Variants in TMEM156 observed in about 807,000 individuals in gnomAD.
TMEM156 encodes transmembrane protein 156.
TMEM156 carries 28 observed loss-of-function variants against 30.5 expected under a neutral mutation model. That is an observed-to-expected ratio of 0.92 (90% CI 0.68 to 1.26). The LOEUF is 1.26. Ranked by LOEUF, TMEM156 falls within the 50% of genes most tolerant of loss-of-function variation. The pLI is 0.00. For missense variants in TMEM156, 351 were observed against 340.6 expected, an observed-to-expected ratio of 1.03 and a Z score of -0.24; for synonymous variants, 137 against 119.9, an observed-to-expected ratio of 1.14 and a Z score of -0.93.
At chr4:39,013,885 T>A (rs559203135) in intron 1 of TMEM156, among the ~76,000 whole-genome samples, 1 of 152,294 alleles carries the variant, frequency 6.6e-6, no homozygotes, top group Non-Finnish European at 1.5e-5. Context: ...TGTAGTGTAA[T>A]GTAAATATAT....
chr4:39,022,066 T>A (rs1224426898), intron 1 of TMEM156, among the ~76,000 whole-genome samples: 2 of 152,324 alleles, frequency 1.3e-5, no homozygotes, highest in Non-Finnish European at 2.9e-5. Flanking sequence ...TGAGGAATGG[T>A]GTAAAGATGT....
At chr4:38,999,005 G>A (rs1713136287) in intron 1 of TMEM156, 96 bp from the exon 2 acceptor site, 1 of 1,052,176 alleles carries the variant, frequency 9.5e-7, no homozygotes, top group Non-Finnish European at 1.4e-6. Context: ...TTTCTTAGGT[G>A]GATTCAGTAC....
intron 6 of TMEM156, 75 bp downstream of exon 6, chr4:38,970,957 T>C: frequency 1.1e-6 from 1 of 935,434 alleles, no homozygotes; most frequent in Non-Finnish European, 1.6e-6. Context: ...GAAATGGAGT[T>C]TGGGATCAAC....
intron 6 of TMEM156, among the ~76,000 whole-genome samples, chr4:38,969,754 G>C (rs1231844372): frequency 6.6e-6 from 1 of 151,990 alleles, no homozygotes; most frequent in Non-Finnish European, 1.5e-5. Context: ...CACCACGCCT[G>C]GCTAATTTTT....
chr4:39,029,572 G>T lies in TMEM156; in HGVS notation c.88+2654C>A, dbSNP rs546993461. On this transcript the variant is annotated intron_variant, in intron 1 of 6. Coordinates refer to ENST00000381938, the MANE Select transcript of TMEM156 (RefSeq NM_024943.3). ...TACTAAAAATACAAAAAATTAGCCG[G>T]GCGTGGTAGCGGGCGCCTGTAGTCC... Among the ~76,000 whole-genome samples the T allele has an allele frequency of 2.4e-4, 5 of 21,134 alleles. 2 individuals are homozygous for T. Among genetic ancestry groups the T allele is most frequent in the Admixed American group, 2.1e-3 (4 of 1,864 alleles). The allele number at this position is 21,134 out of a possible 152,430, so 13.9% of individuals were successfully genotyped here. A position where few individuals can be genotyped will look rare whatever the true frequency, so the allele number is the denominator to read the frequency against.
intron 2 of TMEM156, among the ~76,000 whole-genome samples, chr4:38,996,872 G>C (rs779800606): frequency 6.6e-6 from 1 of 152,022 alleles, no homozygotes; most frequent in Non-Finnish European, 1.5e-5. Flanking sequence ...TAAATGAGTA[G>C]ATAAAGAAAA....
intron 1 of TMEM156, among the ~76,000 whole-genome samples, chr4:39,008,187 T>C (rs1300990385): frequency 6.6e-6 from 1 of 152,206 alleles, no homozygotes; most frequent in Non-Finnish European, 1.5e-5. Flanking sequence ...AGAGTGGGCA[T>C]TCTTGCTTGC....
At chr4:39,000,644 T>C (rs1387748597) in intron 1 of TMEM156, among the ~76,000 whole-genome samples, 4 of 152,164 alleles carry the variant, frequency 2.6e-5, no homozygotes, top group Non-Finnish European at 4.4e-5. Context: ...CCCAGCACTT[T>C]GGGAGGCTGA....
At chr4:39,004,696 A>T (rs1386080749) in intron 1 of TMEM156, among the ~76,000 whole-genome samples, 1 of 152,122 alleles carries the variant, frequency 6.6e-6, no homozygotes, top group Non-Finnish European at 1.5e-5. Context: ...TTATTTATTC[A>T]TTCTTCTGAC....
intron 5 of TMEM156, among the ~76,000 whole-genome samples, chr4:38,973,065 A>C (rs370590859): frequency 2.1e-4 from 32 of 152,298 alleles, no homozygotes; most frequent in African/African-American, 7.2e-4. Flanking sequence ...TCATTGATCC[A>C]TTTAAAAGTC....
chr4:39,007,547 C>G (rs764335073), intron 1 of TMEM156, among the ~76,000 whole-genome samples: 2 of 152,026 alleles, frequency 1.3e-5, no homozygotes, highest in Non-Finnish European at 2.9e-5. Context: ...TTCTGCCTCC[C>G]GAGTTCAAAC....
intron 5 of TMEM156, among the ~76,000 whole-genome samples, chr4:38,983,413 T>A (rs1389380085): frequency 1.3e-5 from 2 of 152,214 alleles, no homozygotes; most frequent in African/African-American, 2.4e-5. Context: ...AGTTACTTTT[T>A]TTTGAGACAC....
intron 5 of TMEM156, among the ~76,000 whole-genome samples, chr4:38,978,654 C>T (rs1723017195): frequency 1.3e-5 from 2 of 152,178 alleles, no homozygotes; most frequent in African/African-American, 2.4e-5. Context: ...AGCACACAGA[C>T]ACACAAATTC....
chr4:38,993,036 C>G (rs984368223), intron 3 of TMEM156, among the ~76,000 whole-genome samples: 1 of 151,234 alleles, frequency 6.6e-6, no homozygotes, highest in East Asian at 2.0e-4. Flanking sequence ...GCTGGGATTA[C>G]AGGTGTGAGC....
chr4:39,012,995 G>T (rs34611214), intron 1 of TMEM156, among the ~76,000 whole-genome samples: 15,366 of 151,964 alleles, frequency 0.1, 1,089 homozygotes, highest in South Asian at 0.25. Context: ...ATGCTTGGAA[G>T]TGTTGGAAAA....
At chr4:38,968,562 G>C (rs1331715844) in intron 6 of TMEM156, among the ~76,000 whole-genome samples, 4 of 152,154 alleles carry the variant, frequency 2.6e-5, no homozygotes, top group African/African-American at 9.7e-5. Context: ...AAAGAAAGAG[G>C]AACTCTTCAG....
chr4:39,020,436 A>G lies in TMEM156; in HGVS notation c.88+11790T>C, dbSNP rs562763293. ...TTTTTTAAAGAGACAGGATCCTACT[A>G]TGTTGCCCAGGCTGCTCTCAAACTC... On this transcript the variant is annotated intron_variant, in intron 1 of 6. Transcript: ENST00000381938. 5.9e-5 allele frequency among the ~76,000 whole-genome samples: 9 copies of G among 152,252 alleles called. No homozygotes were observed. In the South Asian group the frequency reaches 1.9e-3, roughly 32 times the overall value.
intron 1 of TMEM156, among the ~76,000 whole-genome samples, chr4:39,002,968 G>T (rs933730856): frequency 8.6e-5 from 13 of 151,948 alleles, no homozygotes; most frequent in African/African-American, 3.1e-4. Context: ...CACCAGCATG[G>T]CACATGTATA....
intron 1 of TMEM156, among the ~76,000 whole-genome samples, chr4:39,023,885 C>A (rs77458777): frequency 0.014 from 2,105 of 151,996 alleles, 52 homozygotes; most frequent in African/African-American, 0.048. Flanking sequence ...AAAAAGAAGC[C>A]AGACCAAAAA....
Sources: allele counts gnomAD v4.1 joint callset (sites outside exome capture counted in the v4.1 genomes callset), GRCh38; gene constraint gnomAD v4.1.1; transcripts MANE v1.5; gene names NCBI Gene and HGNC (gene_info 2026-07-23, HGNC 2026-07-21).